Variants in GRM7 observed in about 807,000 individuals in gnomAD.
GRM7 encodes metabotropic glutamate receptor 7.
In GRM7, 35 loss-of-function variants were observed where a neutral mutation model predicts 84.5. That is an observed-to-expected ratio of 0.41 (90% CI 0.32 to 0.55). GRM7 has a LOEUF of 0.55. GRM7 is among the 20% of genes least tolerant of loss of function. The pLI, the probability that GRM7 is intolerant of heterozygous loss-of-function variation, is 0.19. For missense variants in GRM7, 1,003 were observed against 1,194.6 expected, an observed-to-expected ratio of 0.84 and a Z score of 2.36; for synonymous variants, 487 against 455.1, an observed-to-expected ratio of 1.07 and a Z score of -0.89.
chr3:7,673,966 C>G (rs980683809), intron 8 of GRM7, among the ~76,000 whole-genome samples: 1 of 152,076 alleles, frequency 6.6e-6, no homozygotes, highest in Non-Finnish European at 1.5e-5. Context: ...AGGTTAAGTA[C>G]TGTATGAGCC....
At chr3:7,297,540 T>A (rs768452653) in intron 2 of GRM7, among the ~76,000 whole-genome samples, 22 of 152,172 alleles carry the variant, frequency 1.4e-4, no homozygotes, top group Non-Finnish European at 2.8e-4. Flanking sequence ...ACAGGTGATT[T>A]CATGCATGCT....
intron 1 of GRM7, among the ~76,000 whole-genome samples, chr3:6,967,387 G>A (rs919439672): frequency 6.6e-6 from 1 of 151,960 alleles, no homozygotes; most frequent in Non-Finnish European, 1.5e-5. Context: ...GTAGAGACAG[G>A]GTTTTGCCAT....
intron 4 of GRM7, among the ~76,000 whole-genome samples, chr3:7,311,131 G>A (rs1559226035): frequency 6.6e-6 from 1 of 152,064 alleles, no homozygotes; most frequent in Non-Finnish European, 1.5e-5. Flanking sequence ...GAATAAAATA[G>A]TAAAGAGAAA....
chr3:7,738,420 T>C (rs1460306144), intron 9 of GRM7, among the ~76,000 whole-genome samples: 1 of 152,188 alleles, frequency 6.6e-6, no homozygotes, highest in Admixed American at 6.5e-5. Context: ...CACAAGAAGA[T>C]AATCTAAGTA....
In GRM7 at chr3:7,636,198, G is replaced by T. The variant is rs570923249; in HGVS notation, c.2452-43851G>T. ...AGGCTAACTTCTACTCATTCTTCAA[G>T]ATTTAACTTGAGCCTCAATTTCTTT... is the stretch of plus-strand genomic sequence containing the variant. On this transcript the variant is annotated intron_variant, in intron 8 of 9. Coordinates refer to ENST00000357716, the MANE Select transcript of GRM7 (RefSeq NM_000844.4). The T allele has an allele frequency of 8.3e-5, 38 of 456,602 alleles. No individual in the cohort carries two copies. In the Middle Eastern group the frequency reaches 1.6e-3, roughly 20 times the overall value. 28.3% of individuals were successfully genotyped at this position (456,602 alleles called of 1,614,324 possible). A position where few individuals can be genotyped will look rare whatever the true frequency, so the allele number is the denominator to read the frequency against.
chr3:7,656,957 A>AT (rs1177955743), intron 8 of GRM7, among the ~76,000 whole-genome samples: 2 of 151,378 alleles, frequency 1.3e-5, no homozygotes, highest in African/African-American at 4.8e-5. Flanking sequence ...CTGAAAACAT[A>AT]GTATTTACTT....
At chr3:7,711,737 C>A (rs370046117) in intron 9 of GRM7, among the ~76,000 whole-genome samples, 1 of 152,200 alleles carries the variant, frequency 6.6e-6, no homozygotes. Flanking sequence ...GTGTGTTACA[C>A]ACGCGGCACC....
chr3:7,155,720 AT>A (rs1694427158), intron 2 of GRM7, among the ~76,000 whole-genome samples: 1 of 152,070 alleles, frequency 6.6e-6, no homozygotes, highest in Admixed American at 6.6e-5. Context: ...CTCTCAAGAG[AT>A]TATAGAAAAT....
chr3:6,882,239 T>C (rs1695539677), intron 1 of GRM7, among the ~76,000 whole-genome samples: 1 of 152,178 alleles, frequency 6.6e-6, no homozygotes, highest in African/African-American at 2.4e-5. Flanking sequence ...AAAAGGCTGA[T>C]TTTCTTTTGT....
chr3:7,067,497 T>G (rs985573116), intron 1 of GRM7, among the ~76,000 whole-genome samples: 28 of 151,996 alleles, frequency 1.8e-4, no homozygotes, highest in African/African-American at 6.8e-4. Context: ...CAAGGAAAAC[T>G]ACAAAGCACT....
At chr3:7,329,812 A>C (rs1358815654) in intron 4 of GRM7, among the ~76,000 whole-genome samples, 2 of 152,136 alleles carry the variant, frequency 1.3e-5, no homozygotes, top group African/African-American at 4.8e-5. Context: ...ATGTATGTAT[A>C]CTTAGATATG....
chr3:7,309,170 A>G lies in GRM7; in HGVS notation c.1033+2518A>G, dbSNP rs534812710. On this transcript the variant is annotated intron_variant, in intron 4 of 9. Coordinates refer to ENST00000357716, the MANE Select transcript of GRM7 (RefSeq NM_000844.4). ...CTAGGTACATTTCTTATAAAGAACA[A>G]TCAAGTTTTGTTCACTTTCGTAGCA... is the stretch of plus-strand genomic sequence containing the variant. Among the ~76,000 whole-genome samples the G allele has an allele frequency of 5.3e-5, 8 of 152,336 alleles. No homozygotes were observed. The South Asian group carries it at 1.0e-3, about 20-fold the overall frequency.
chr3:7,435,212 G>T (rs1016034568), intron 5 of GRM7, among the ~76,000 whole-genome samples: 3 of 151,470 alleles, frequency 2.0e-5, no homozygotes, highest in African/African-American at 7.3e-5. Context: ...TGCCTTGGCT[G>T]GAGTACAGTG....
chr3:7,643,159 T>C (rs1029931250), intron 8 of GRM7, among the ~76,000 whole-genome samples: 12 of 152,202 alleles, frequency 7.9e-5, no homozygotes, highest in Non-Finnish European at 1.8e-4. Flanking sequence ...CAAGTCATTC[T>C]CTTTGAGAGC....
At chr3:7,386,556 T>G (rs1056838927) in intron 4 of GRM7, among the ~76,000 whole-genome samples, 2 of 152,278 alleles carry the variant, frequency 1.3e-5, no homozygotes, top group Admixed American at 6.5e-5. Context: ...TTAATTCGCT[T>G]AGGATACTGG....
chr3:7,553,169 A>G (rs993451950), intron 7 of GRM7, among the ~76,000 whole-genome samples: 2 of 152,198 alleles, frequency 1.3e-5, no homozygotes, highest in Non-Finnish European at 1.5e-5. Context: ...GACAGGGGCA[A>G]AATGCTCCCA....
At chr3:7,638,022 T>G (rs920813562) in intron 8 of GRM7, among the ~76,000 whole-genome samples, 2 of 152,188 alleles carry the variant, frequency 1.3e-5, no homozygotes, top group African/African-American at 4.8e-5. Flanking sequence ...ATAATTTCTC[T>G]CTGGCATATC....
chr3:7,141,380 A>C (rs371060014), intron 1 of GRM7, among the ~76,000 whole-genome samples: 2 of 152,062 alleles, frequency 1.3e-5, no homozygotes, highest in South Asian at 4.1e-4. Flanking sequence ...AAGTTAAGGA[A>C]TGTGCAAGGT....
intron 2 of GRM7, among the ~76,000 whole-genome samples, chr3:7,292,819 G>C (rs2125013124): frequency 6.6e-6 from 1 of 151,652 alleles, no homozygotes; most frequent in Admixed American, 6.6e-5. Flanking sequence ...ATCACCTGAG[G>C]TCAGGAGTTC....
Sources: gnomAD v4.1 joint callset for allele counts (sites outside exome capture counted in the v4.1 genomes callset) on GRCh38, gnomAD v4.1.1 for gene constraint, MANE v1.5 for transcripts, NCBI Gene and HGNC (gene_info 2026-07-23, HGNC 2026-07-21) for gene names.